ADA: variants seen among roughly 807,000 people sequenced by gnomAD.
ADA encodes the protein adenosine deaminase.
In ADA, 45 loss-of-function variants were observed where a neutral mutation model predicts 49.0. The observed-to-expected ratio is 0.92, with a 90% confidence interval of 0.72 to 1.18. ADA has a LOEUF of 1.18. Among genes scored for constraint, ADA ranks in the 50% most tolerant of loss-of-function variants. The pLI is 0.00. For synonymous variants in ADA, 173 were observed against 184.2 expected, an observed-to-expected ratio of 0.94 and a Z score of 0.49; for missense variants, 445 against 472.5, an observed-to-expected ratio of 0.94 and a Z score of 0.54.
At chr20:44,624,651 G>A (rs965979687) in intron 5 of ADA, among the ~76,000 whole-genome samples, 1 of 152,242 alleles carries the variant, frequency 6.6e-6, no homozygotes, top group African/African-American at 2.4e-5. Flanking sequence ...CTCTCACCTG[G>A]TGTTTCCAAC....
chr20:44,626,912 C>T (rs565098880), intron 3 of ADA, among the ~76,000 whole-genome samples: 2 of 152,300 alleles, frequency 1.3e-5, no homozygotes, highest in East Asian at 3.9e-4. Context: ...GAAGGTAAAT[C>T]AAAGCATATC....
In ADA at chr20:44,629,162, C is replaced by G. The variant is rs376909062; in HGVS notation, c.103G>C (p.Gly35Arg). 21 of 1,614,096 alleles carry G rather than the reference C, an allele frequency of 1.3e-5. No individual in the cohort carries two copies. Among genetic ancestry groups the G allele is most frequent in the Non-Finnish European group, 1.8e-5 (21 of 1,180,048 alleles). ...ETILYYGRRR[G>R]IALPANTAEG... Reference sequence around the variant, plus strand: ...GCTGTGTTAGCTGGGAGGGCGATCCCTCTCCTCCTGGAAACAAAACAGTGA... The same window carrying G: ...GCTGTGTTAGCTGGGAGGGCGATCCGTCTCCTCCTGGAAACAAAACAGTGA... The change falls in exon 3 of 12, where the codon GGG becomes CGG. Residue 35 changes from glycine to arginine, a missense_variant. Transcript: ENST00000372874.
In ADA at chr20:44,619,672, C is replaced by T. The variant is rs901060573; in HGVS notation, c.*162G>A. The T allele has an allele frequency of 1.4e-5, 13 of 909,616 alleles. No individual in the cohort carries two copies. Among genetic ancestry groups the T allele is most frequent in the South Asian group, 4.3e-5 (3 of 69,650 alleles). 56.3% of individuals were successfully genotyped at this position (909,616 alleles called of 1,614,324 possible). A position where few individuals can be genotyped will look rare whatever the true frequency, so the allele number is the denominator to read the frequency against. ...AATCAGAGAAGTGACGCGGCCATGC[C>T]GAGGTATACGTGTGTGCAGAAATGG... is the stretch of plus-strand genomic sequence containing the variant. On this transcript the variant is annotated 3_prime_UTR_variant, in exon 12 of 12. Coordinates refer to ENST00000372874, the MANE Select transcript of ADA (RefSeq NM_000022.4).
intron 9 of ADA, 148 bp downstream of exon 9, chr20:44,622,440 A>G: frequency 1.0e-6 from 1 of 967,298 alleles, no homozygotes; most frequent in South Asian, 1.4e-5. Flanking sequence ...CATTTGTAAG[A>G]TGAGGACGGC....
At chr20:44,636,966 C>T (rs1319828052) in intron 1 of ADA, among the ~76,000 whole-genome samples, 1 of 152,044 alleles carries the variant, frequency 6.6e-6, no homozygotes, top group Non-Finnish European at 1.5e-5. Flanking sequence ...CCACCACGCC[C>T]AGTTAATTTT....
chr20:44,624,372 G>GGAGA (rs764745667), intron 5 of ADA, 43 bp from the exon 6 acceptor site: 1 of 1,610,744 alleles, frequency 6.2e-7, no homozygotes, highest in East Asian at 2.2e-5. Flanking sequence ...CCAGCACCAT[G>GGAGA]GAGAGACCTC....
Position 44,636,571 on chromosome 20 carries a change from G to A in ADA, c.34-283C>T, listed in dbSNP as rs77819966. ...TAAATATCTCATCCAAGGCCACACAGATTGCAAGTAATAGAGGCAGGAGCC... is the reference window on the plus strand; with the variant it reads ...TAAATATCTCATCCAAGGCCACACAAATTGCAAGTAATAGAGGCAGGAGCC... On this transcript the variant is annotated intron_variant, in intron 1 of 11. Transcript: ENST00000372874. Among the ~76,000 whole-genome samples, 7,303 of 152,200 alleles carry A rather than the reference G, an allele frequency of 0.048. 357 individuals carry two copies. The highest frequency in any genetic ancestry group is 0.13 in the African/African-American group (5,399 of 41,514).
At chr20:44,643,621 C>T (rs937690435) in intron 1 of ADA, among the ~76,000 whole-genome samples, 4 of 152,160 alleles carry the variant, frequency 2.6e-5, no homozygotes, top group Admixed American at 6.5e-5. Context: ...AGTCCCTCTG[C>T]CTCAGCCCAA....
In ADA at chr20:44,639,670, C is replaced by T. The variant is rs144225258; in HGVS notation, c.34-3382G>A. ...TCAAGTGATCTGCCCACCTCGGCCT[C>T]CCAAAGTGCTGGGGTTACAGGTGTG... On this transcript the variant is annotated intron_variant, in intron 1 of 11. Transcript: ENST00000372874. 1.8e-3 allele frequency among the ~76,000 whole-genome samples: 280 copies of T among 152,222 alleles called. 1 individual carries two copies. The highest frequency in any genetic ancestry group is 2.9e-3 in the Non-Finnish European group (198 of 68,016).
Position 44,623,064 on chromosome 20 carries a change from G to A in ADA, c.621C>T (p.Ser207=), listed in dbSNP as rs373256688. The change falls in exon 7 of 12, where the codon AGC becomes AGT. Residue 207 remains serine, a synonymous_variant. Transcript: ENST00000372874. ...HVQAYQEAVK[S]GIHRTVHAGE... ...CGGCGTGGACAGTACGGTGAATGCC[G>A]CTCTTCACAGCCTCCTGGAAGGGGG... 47 of 1,613,888 alleles carry A rather than the reference G, an allele frequency of 2.9e-5. No homozygotes were observed. Among genetic ancestry groups the A allele is most frequent in the African/African-American group, 1.5e-4 (11 of 74,924 alleles).
chr20:44,629,269 A>G, intron 2 of ADA, 100 bp from the exon 3 acceptor site: 1 of 1,550,184 alleles, frequency 6.5e-7, no homozygotes, highest in Non-Finnish European at 8.8e-7. Flanking sequence ...GCCTCCTTGC[A>G]GGACCACAGC....
intron 1 of ADA, among the ~76,000 whole-genome samples, chr20:44,637,569 G>C (rs1184373755): frequency 6.6e-6 from 1 of 152,304 alleles, no homozygotes; most frequent in East Asian, 1.9e-4. Context: ...TCTCATGCTG[G>C]GGTGGGGAGC....
intron 2 of ADA, among the ~76,000 whole-genome samples, chr20:44,632,757 A>G (rs183161547): frequency 6.6e-6 from 1 of 152,188 alleles, no homozygotes; most frequent in Non-Finnish European, 1.5e-5. Context: ...CAATGGCACG[A>G]CCTCGACTCA....
At chr20:44,647,126 G>A (rs954284819) in intron 1 of ADA, among the ~76,000 whole-genome samples, 7 of 152,082 alleles carry the variant, frequency 4.6e-5, no homozygotes, top group Non-Finnish European at 1.0e-4. Flanking sequence ...GCATCAGAGA[G>A]GGACAGTTTA....
At chr20:44,624,062 C>A (rs2065358933) in intron 6 of ADA, 140 bp downstream of exon 6, 1 of 1,285,990 alleles carries the variant, frequency 7.8e-7, no homozygotes, top group East Asian at 2.7e-5. Context: ...GATTCCAGTT[C>A]CAAGCCTTAA....
chr20:44,624,608 G>A (rs185632711), intron 5 of ADA, among the ~76,000 whole-genome samples: 17 of 152,350 alleles, frequency 1.1e-4, no homozygotes, highest in Admixed American at 3.9e-4. Flanking sequence ...CACCAAGGAC[G>A]GGGCCTGAGC....
chr20:44,639,038 C>A (rs1286093697), intron 1 of ADA, among the ~76,000 whole-genome samples: 1 of 152,136 alleles, frequency 6.6e-6, no homozygotes, highest in East Asian at 1.9e-4. Context: ...CAGGATAGGA[C>A]CACCCAGGCA....
At chr20:44,634,334 T>C (rs963331713) in intron 2 of ADA, among the ~76,000 whole-genome samples, 2 of 152,238 alleles carry the variant, frequency 1.3e-5, no homozygotes, top group East Asian at 3.9e-4. Context: ...ATATTATCAT[T>C]AAGTGACATT....
chr20:44,620,532 T>C (rs897184839), intron 10 of ADA, 131 bp from the exon 11 acceptor site: 10 of 795,004 alleles, frequency 1.3e-5, no homozygotes, highest in Non-Finnish European at 1.9e-5. Flanking sequence ...ATTTGTCCAC[T>C]GTCACACGGC....
Sources: allele counts gnomAD v4.1 joint callset (sites outside exome capture counted in the v4.1 genomes callset), GRCh38; gene constraint gnomAD v4.1.1; transcripts MANE v1.5; gene names NCBI Gene and HGNC (gene_info 2026-07-23, HGNC 2026-07-21).